Variants in MACROD2 observed in about 807,000 individuals in gnomAD.
MACROD2 encodes mono-ADP ribosylhydrolase 2.
A neutral mutation model predicts 70.4 loss-of-function variants in MACROD2; 36 were observed. The observed-to-expected ratio is 0.51, with a 90% CI of 0.39 to 0.68. The LOEUF is 0.68. Ranked by LOEUF, MACROD2 falls within the 30% of genes least tolerant of loss-of-function variation. The pLI is 0.00. For synonymous variants in MACROD2, 172 were observed against 178.8 expected, an observed-to-expected ratio of 0.96 and a Z score of 0.30; for missense variants, 496 against 538.4, an observed-to-expected ratio of 0.92 and a Z score of 0.78.
chr20:15,091,847 A>G (rs868053599), intron 5 of MACROD2, among the ~76,000 whole-genome samples: 1 of 152,196 alleles, frequency 6.6e-6, no homozygotes, highest in African/African-American at 2.4e-5. Context: ...CTGGCAATGC[A>G]TTATTCACTA....
chr20:14,324,073 G>A (rs1191809150), intron 3 of MACROD2: 2 of 152,380 alleles, frequency 1.3e-5, no homozygotes, highest in Admixed American at 6.6e-5. Context: ...TAATGTGCTG[G>A]GCAATTTGCT....
At chr20:14,006,328 G>A (rs913513948) in intron 2 of MACROD2, among the ~76,000 whole-genome samples, 1 of 152,154 alleles carries the variant, frequency 6.6e-6, no homozygotes, top group Non-Finnish European at 1.5e-5. Flanking sequence ...AGTTTCAACA[G>A]TTATTACACG....
chr20:14,270,111 A>G (rs1181306269), intron 3 of MACROD2, among the ~76,000 whole-genome samples: 1 of 152,188 alleles, frequency 6.6e-6, no homozygotes, highest in African/African-American at 2.4e-5. Context: ...AGGGGCATGG[A>G]ATAAAATTAA....
intron 5 of MACROD2, among the ~76,000 whole-genome samples, chr20:14,837,077 T>TCTC (rs10632228): frequency 0.57 from 86,569 of 151,446 alleles, 26,042 homozygotes; most frequent in Non-Finnish European, 0.67. Flanking sequence ...GAGTGTTTTC[T>TCTC]CTCTTCACTC....
intron 5 of MACROD2, among the ~76,000 whole-genome samples, chr20:14,932,003 TAAAAAAAA>T (rs11483683): frequency 2.2e-5 from 3 of 135,984 alleles, no homozygotes; most frequent in African/African-American, 8.3e-5. Flanking sequence ...CCCTGTTTCT[TAAAAAAAA>T]AAAAAAAAAA....
At chr20:15,810,187 T>C (rs1224974388) in intron 8 of MACROD2, among the ~76,000 whole-genome samples, 27 of 151,892 alleles carry the variant, frequency 1.8e-4, no homozygotes, top group African/African-American at 5.8e-4. Context: ...CTACAAAGGA[T>C]ATGAACTCAT....
intron 15 of MACROD2, among the ~76,000 whole-genome samples, chr20:16,008,903 G>A (rs2066825014): frequency 6.6e-6 from 1 of 151,934 alleles, no homozygotes; most frequent in African/African-American, 2.4e-5. Context: ...GTGGAACCAT[G>A]AGAGACATTC....
chr20:14,872,391 G>C (rs1489271747), intron 5 of MACROD2, among the ~76,000 whole-genome samples: 1 of 152,052 alleles, frequency 6.6e-6, no homozygotes, highest in Non-Finnish European at 1.5e-5. Context: ...GAGGAGGCTA[G>C]GAAAATTAGC....
chr20:15,202,093 G>C (rs181273660), intron 5 of MACROD2, among the ~76,000 whole-genome samples: 1 of 152,284 alleles, frequency 6.6e-6, no homozygotes, highest in East Asian at 1.9e-4. Context: ...ATTTGGAAGA[G>C]ACATTTGAAG....
intron 4 of MACROD2, among the ~76,000 whole-genome samples, chr20:14,616,413 A>G (rs1983481711): frequency 6.6e-6 from 1 of 152,078 alleles, no homozygotes; most frequent in South Asian, 2.1e-4. Flanking sequence ...TATGTCATCT[A>G]TTCCTGAAGT....
At chr20:15,938,429 C>T (rs967291071) in intron 12 of MACROD2, among the ~76,000 whole-genome samples, 40 of 152,224 alleles carry the variant, frequency 2.6e-4, no homozygotes, top group Middle Eastern at 3.4e-3. Context: ...ATATTTCAAA[C>T]CTTTTTACTA....
intron 6 of MACROD2, among the ~76,000 whole-genome samples, chr20:15,384,083 G>A (rs901702797): frequency 3.9e-5 from 6 of 152,080 alleles, no homozygotes; most frequent in African/African-American, 1.4e-4. Context: ...TGGAATGGAG[G>A]CTTTGGGAAC....
intron 6 of MACROD2, among the ~76,000 whole-genome samples, chr20:15,372,502 C>A (rs1462607380): frequency 6.6e-6 from 1 of 152,142 alleles, no homozygotes; most frequent in Non-Finnish European, 1.5e-5. Flanking sequence ...CATTGGGTTT[C>A]TTTCTGTGAA....
intron 4 of MACROD2, among the ~76,000 whole-genome samples, chr20:14,580,720 T>A (rs1254337689): frequency 1.3e-5 from 2 of 152,220 alleles, no homozygotes; most frequent in Non-Finnish European, 1.5e-5. Context: ...GACCTACTTT[T>A]CTACCAAAGA....
chr20:14,566,828 T>C (rs982698913), intron 4 of MACROD2: 6 of 151,956 alleles, frequency 3.9e-5, no homozygotes, highest in African/African-American at 1.4e-4. Context: ...GCATTAACAC[T>C]TACCATGTGT....
chr20:14,838,802 A>G (rs1481291017), intron 5 of MACROD2, among the ~76,000 whole-genome samples: 4 of 152,068 alleles, frequency 2.6e-5, no homozygotes, highest in African/African-American at 7.2e-5. Context: ...AAACTTAGTC[A>G]TATCATATAA....
intron 13 of MACROD2, among the ~76,000 whole-genome samples, chr20:15,978,243 C>A (rs571656474): frequency 1.3e-5 from 2 of 152,252 alleles, no homozygotes; most frequent in East Asian, 3.9e-4. Flanking sequence ...GACCACCCCC[C>A]TCCCCAAAAA....
intron 5 of MACROD2, among the ~76,000 whole-genome samples, chr20:15,187,514 C>T (rs762083013): frequency 3.7e-4 from 57 of 152,124 alleles, no homozygotes; most frequent in Non-Finnish European, 6.8e-4. Flanking sequence ...TGTCCCCATG[C>T]ACAACAGGGA....
At chr20:14,761,628 G>C (rs1490392875) in intron 5 of MACROD2, among the ~76,000 whole-genome samples, 2 of 152,138 alleles carry the variant, frequency 1.3e-5, no homozygotes, top group Non-Finnish European at 2.9e-5. Flanking sequence ...ACTGAATCCT[G>C]ACACTGGTTC....
Sources: gnomAD v4.1 joint callset for allele counts (sites outside exome capture counted in the v4.1 genomes callset) on GRCh38, gnomAD v4.1.1 for gene constraint, MANE v1.5 for transcripts, NCBI Gene and HGNC (gene_info 2026-07-23, HGNC 2026-07-21) for gene names.